The following CEACAM4 variants were observed in gnomAD, a reference collection of about 807,000 sequenced individuals.
CEACAM4 encodes the protein CEA cell adhesion molecule 4.
In CEACAM4, 30 loss-of-function variants were observed where a neutral mutation model predicts 28.7. The observed-to-expected ratio is 1.05, with a 90% CI of 0.78 to 1.42. The LOEUF (loss-of-function observed/expected upper bound fraction) is 1.42, where lower values mean the gene tolerates loss of function less well. Among genes scored for constraint, CEACAM4 ranks in the 40% most tolerant of loss-of-function variants. The pLI is 0.00. For missense variants in CEACAM4, 330 were observed against 308.2 expected, an observed-to-expected ratio of 1.07 and a Z score of -0.53; for synonymous variants, 143 against 126.5, an observed-to-expected ratio of 1.13 and a Z score of -0.87.
chr19:41,616,653 T>C (rs550403998), downstream of CEACAM4, among the ~76,000 whole-genome samples: 187 of 152,270 alleles, frequency 1.2e-3, 1 homozygote, highest in Non-Finnish European at 6.0e-4. Context: ...AGGCTCAGCC[T>C]GGAGGAGCTC....
At chr19:41,623,561 G>A (rs1373728334) in intron 2 of CEACAM4, among the ~76,000 whole-genome samples, 1 of 151,542 alleles carries the variant, frequency 6.6e-6, no homozygotes, top group Non-Finnish European at 1.5e-5. Context: ...GAGGGGTTCT[G>A]TGGTCCTGGA....
rs1356602353 is a variant in CEACAM4, at chr19:41,624,342, C to A, written c.424+1259G>T. 3.9e-5 allele frequency among the ~76,000 whole-genome samples: 6 copies of A among 152,124 alleles called. No individual in the cohort carries two copies. In the East Asian group the frequency reaches 1.2e-3, roughly 29 times the overall value. ...GCAGGGTGTGAATGGGGAGAGAAAG[C>A]AAAGTCCTCCCCTTTATCCTCCTGT... On this transcript the variant is annotated intron_variant, in intron 2 of 6. Transcript: ENST00000221954.
At chr19:41,620,078 A>C (rs2071171220) in intron 5 of CEACAM4, 133 bp downstream of exon 5, 4 of 809,860 alleles carry the variant, frequency 4.9e-6, no homozygotes, top group Non-Finnish European at 7.4e-6. Context: ...TCCTGGCCGG[A>C]GGCACTCACT....
intron 2 of CEACAM4, among the ~76,000 whole-genome samples, chr19:41,622,839 T>A (rs1236388419): frequency 1.7e-5 from 2 of 118,324 alleles, no homozygotes; most frequent in Admixed American, 1.6e-4. Context: ...ATCTCTAGCA[T>A]ATATATACAT....
chr19:41,622,074 T>TTTTTTC (rs1298237587), intron 2 of CEACAM4, among the ~76,000 whole-genome samples: 12 of 151,984 alleles, frequency 7.9e-5, no homozygotes, highest in Non-Finnish European at 4.4e-5. Context: ...CCTCTGTTGC[T>TTTTTTC]TTTTTCTTTT....
chr19:41,617,964 G>A (rs2071022998), downstream of CEACAM4, among the ~76,000 whole-genome samples: 1 of 152,178 alleles, frequency 6.6e-6, no homozygotes, highest in South Asian at 2.1e-4. Flanking sequence ...ACAACCCATT[G>A]CGGGTTGTTT....
downstream of CEACAM4, among the ~76,000 whole-genome samples, chr19:41,614,237 T>C (rs1351370338): frequency 2.0e-5 from 3 of 152,216 alleles, no homozygotes; most frequent in Non-Finnish European, 4.4e-5. Context: ...ATCTCTACCA[T>C]GTGGAGTACT....
chr19:41,614,416 A>C (rs1220530229), downstream of CEACAM4, among the ~76,000 whole-genome samples: 1 of 152,212 alleles, frequency 6.6e-6, no homozygotes, highest in Admixed American at 6.5e-5. Context: ...GTGCGCGTTA[A>C]ACATGGTGAG....
chr19:41,625,984 T>C, intron 1 of CEACAM4, 24 bp from the exon 2 acceptor site: 1 of 1,589,056 alleles, frequency 6.3e-7, no homozygotes, highest in Non-Finnish European at 8.6e-7. Context: ...ACAGCATCAG[T>C]CAATACTGGG....
At chr19:41,626,546 G>A (rs1191151275) in intron 1 of CEACAM4, among the ~76,000 whole-genome samples, 3 of 152,206 alleles carry the variant, frequency 2.0e-5, no homozygotes. Flanking sequence ...AGTGTCTGAG[G>A]TTGTTGGCTA....
chr19:41,626,051 C>A, intron 1 of CEACAM4, 91 bp from the exon 2 acceptor site: 2 of 1,151,110 alleles, frequency 1.7e-6, no homozygotes, highest in Non-Finnish European at 2.5e-6. Context: ...TCTCCTCATC[C>A]CTCAGCCTTG....
chr19:41,619,543 T>C lies in CEACAM4; in HGVS notation c.669+127A>G, dbSNP rs782548892. The C allele has an allele frequency of 4.5e-6, 7 of 1,539,374 alleles. No individual in the cohort carries two copies. In the South Asian group the frequency reaches 8.5e-5, roughly 19 times the overall value. On this transcript the variant is annotated intron_variant, in intron 6 of 6. Coordinates refer to ENST00000221954, the MANE Select transcript of CEACAM4 (RefSeq NM_001817.4). ...CCTGTTCCCAGGCCCCTCCCTCCTCTGCTCACCACCACCTGTTCTCATTTT... is the reference window on the plus strand; with the variant it reads ...CCTGTTCCCAGGCCCCTCCCTCCTCCGCTCACCACCACCTGTTCTCATTTT...
At position 41,619,693 on chromosome 19, in the gene CEACAM4, T is replaced by C; in HGVS notation, c.646A>G (p.Arg216Gly). 2 of 1,591,220 alleles carry C rather than the reference T, an allele frequency of 1.3e-6. No individual in the cohort carries two copies. The highest frequency in any genetic ancestry group is 1.7e-6 in the Non-Finnish European group (2 of 1,167,682). ...STFSAPLPSP[R>G]TATPIYEELL... is the part of the protein sequence containing the mutation. ...ACCTCATAGATGGGAGTGGCTGTTC[T>C]GGGGCTGGGTAGAGGGGCCTGGGCA... The change falls in exon 6 of 7, where the codon AGA becomes GGA. Residue 216 changes from arginine (R) to glycine (G), a missense_variant. By Grantham distance (125) the Arg-to-Gly change is moderately radical (BLOSUM62 -2). Transcript: ENST00000221954.
chr19:41,620,727 G>A lies in CEACAM4; in HGVS notation c.543-100C>T, dbSNP rs1600353007. The A allele has an allele frequency of 5.1e-6, 5 of 974,286 alleles. No individual in the cohort carries two copies. The East Asian group carries it at 1.3e-4, about 25-fold the overall frequency. The allele number at this position is 974,286 out of a possible 1,614,324, so 60.4% of individuals were successfully genotyped here. On this transcript the variant is annotated intron_variant, in intron 3 of 6. Transcript: ENST00000221954. ...AGGGACTCCATTTTCAAGGACTGGA[G>A]TGAAGGCCTCCTGTCTCCATCAGTT...
downstream of CEACAM4, among the ~76,000 whole-genome samples, chr19:41,614,208 T>C (rs1380034598): frequency 6.6e-6 from 1 of 152,242 alleles, no homozygotes; most frequent in Non-Finnish European, 1.5e-5. Context: ...CCTTCTGCAG[T>C]GAACATCCTC....
rs781819871 is a variant in CEACAM4, at chr19:41,625,886, C to T, written c.139G>A (p.Glu47Lys). ...TIEALPSSAA[E>K]GKDVLLLACN... The stretch of plus-strand genomic sequence containing the variant: ...GCCAGTAGAAGAACATCCTTTCCCT[C>T]TGCAGCACTGGACGGCAGGGCTTCA... Residue 47 changes from glutamate to lysine, a missense_variant, in exon 2 of 7, where the codon GAG becomes AAG. Glu to Lys is a moderately conservative substitution (Grantham distance 56, BLOSUM62 1). Coordinates refer to ENST00000221954, the MANE Select transcript of CEACAM4 (RefSeq NM_001817.4). 9.9e-6 allele frequency: 16 copies of T among 1,613,864 alleles called. No homozygotes were observed. The South Asian group carries it at 1.6e-4, about 17-fold the overall frequency.
rs143784586 is a variant in CEACAM4, at chr19:41,622,104, G to A, written c.425-336C>T. On this transcript the variant is annotated intron_variant, in intron 2 of 6. Transcript: ENST00000221954. ...TCTTTTTCTTTTTTTTTTGGATGGA[G>A]TCTTGCTCTGTCACCCAGACTGGAG... 3.2e-3 allele frequency among the ~76,000 whole-genome samples: 479 copies of A among 151,110 alleles called. 2 individuals carry two copies. The highest frequency in any genetic ancestry group is 0.027 in the Middle Eastern group (8 of 292).
downstream of CEACAM4, among the ~76,000 whole-genome samples, chr19:41,615,339 G>A (rs949288919): frequency 6.6e-6 from 1 of 151,928 alleles, no homozygotes; most frequent in Non-Finnish European, 1.5e-5. Flanking sequence ...GCAGCCTGTG[G>A]TGCTTACTGT....
chr19:41,618,802 G>A (rs186168804), downstream of CEACAM4, among the ~76,000 whole-genome samples: 8 of 152,286 alleles, frequency 5.3e-5, no homozygotes, highest in Non-Finnish European at 8.8e-5. Context: ...ACAGCTGAGC[G>A]CTCGGCTGGC....
Sources: gnomAD v4.1 joint callset for allele counts (sites outside exome capture counted in the v4.1 genomes callset) on GRCh38, gnomAD v4.1.1 for gene constraint, MANE v1.5 for transcripts, NCBI Gene and HGNC (gene_info 2026-07-23, HGNC 2026-07-21) for gene names.